The following PARD3 variants were observed in gnomAD, a reference collection of about 807,000 sequenced individuals.
PARD3 encodes partitioning defective 3 homolog.
In PARD3, 75 loss-of-function variants were observed where a neutral mutation model predicts 155.4. That is an observed-to-expected ratio of 0.48 (90% CI 0.40 to 0.58). PARD3 has a LOEUF of 0.58. PARD3 is among the 20% of genes least tolerant of loss of function. PARD3 has a pLI of 0.00. For missense variants in PARD3, 1,642 were observed against 1,721.7 expected, an observed-to-expected ratio of 0.95 and a Z score of 0.82; for synonymous variants, 576 against 610.5, an observed-to-expected ratio of 0.94 and a Z score of 0.83.
intron 20 of PARD3, among the ~76,000 whole-genome samples, chr10:34,289,816 T>G (rs1564552136): frequency 6.6e-6 from 1 of 152,154 alleles, no homozygotes; most frequent in Non-Finnish European, 1.5e-5. Flanking sequence ...GCGTTACAAA[T>G]GAGATCACTG....
chr10:34,456,199 A>G (rs1333623209), intron 4 of PARD3, among the ~76,000 whole-genome samples: 1 of 152,242 alleles, frequency 6.6e-6, no homozygotes, highest in Non-Finnish European at 1.5e-5. Context: ...CTGCAACCAG[A>G]AACACTGGTC....
intron 5 of PARD3, among the ~76,000 whole-genome samples, chr10:34,431,771 C>A (rs1290366761): frequency 1.6e-4 from 14 of 85,906 alleles, no homozygotes; most frequent in Non-Finnish European, 3.4e-4. Context: ...AAAAAAATGC[C>A]GGGTATGGTG....
intron 2 of PARD3, among the ~76,000 whole-genome samples, chr10:34,573,956 TTATA>T (rs1350553368): frequency 6.6e-6 from 1 of 152,218 alleles, no homozygotes; most frequent in Non-Finnish European, 1.5e-5. Context: ...GCTTGAGCAT[TTATA>T]TATTGGATTG....
chr10:34,808,123 A>C (rs1843629967), intron 1 of PARD3, among the ~76,000 whole-genome samples: 1 of 152,154 alleles, frequency 6.6e-6, no homozygotes, highest in Admixed American at 6.5e-5. Context: ...AGATCAGCCT[A>C]GCCAACATGG....
At chr10:34,114,132 G>A (rs1269061102) in intron 24 of PARD3, among the ~76,000 whole-genome samples, 1 of 151,952 alleles carries the variant, frequency 6.6e-6, no homozygotes, top group African/African-American at 2.4e-5. Context: ...TGTGGTGGTG[G>A]GTGCCTGTAG....
chr10:34,599,344 C>T (rs1269914458), intron 2 of PARD3, among the ~76,000 whole-genome samples: 1 of 152,114 alleles, frequency 6.6e-6, no homozygotes, highest in African/African-American at 2.4e-5. Context: ...CTCTCTCCAC[C>T]GTCCAAAATG....
intron 2 of PARD3, among the ~76,000 whole-genome samples, chr10:34,650,072 A>G (rs771272641): frequency 2.6e-5 from 4 of 152,208 alleles, no homozygotes; most frequent in Non-Finnish European, 4.4e-5. Context: ...AACCTCCTGA[A>G]GGCCCTGCCT....
intron 2 of PARD3, among the ~76,000 whole-genome samples, chr10:34,584,821 C>T (rs528588253): frequency 7.2e-5 from 11 of 152,236 alleles, no homozygotes; most frequent in African/African-American, 2.2e-4. Flanking sequence ...GATATGTTTT[C>T]GTTACATGGA....
chr10:34,237,824 A>G (rs1457239825), intron 22 of PARD3, among the ~76,000 whole-genome samples: 3 of 152,196 alleles, frequency 2.0e-5, no homozygotes, highest in Admixed American at 6.5e-5. Context: ...ATTTGGATGC[A>G]GTATTTTATA....
chr10:34,311,273 A>AT (rs978065231), intron 20 of PARD3, among the ~76,000 whole-genome samples: 5 of 151,716 alleles, frequency 3.3e-5, no homozygotes, highest in African/African-American at 7.3e-5. Context: ...TTTTTTATTT[A>AT]TTTTTTTTAA....
intron 2 of PARD3, among the ~76,000 whole-genome samples, chr10:34,568,218 C>CAT (rs1205915180): frequency 7.2e-5 from 11 of 152,266 alleles, no homozygotes; most frequent in African/African-American, 2.4e-4. Flanking sequence ...TATCACTGAC[C>CAT]ATAAAGGTAA....
chr10:34,665,241 G>A (rs570845428), intron 2 of PARD3, among the ~76,000 whole-genome samples: 19 of 152,214 alleles, frequency 1.2e-4, no homozygotes, highest in African/African-American at 3.1e-4. Flanking sequence ...AAGGCTGGGC[G>A]CACCTCATGC....
At chr10:34,113,172 T>G (rs914334463) in intron 24 of PARD3, among the ~76,000 whole-genome samples, 2 of 152,178 alleles carry the variant, frequency 1.3e-5, no homozygotes, top group Non-Finnish European at 2.9e-5. Context: ...AGAAATAGGC[T>G]GCAGACATTT....
At chr10:34,504,470 C>T (rs927995700) in intron 3 of PARD3, among the ~76,000 whole-genome samples, 1 of 149,620 alleles carries the variant, frequency 6.7e-6, no homozygotes, top group Non-Finnish European at 1.5e-5. Context: ...GATATGTAGG[C>T]AATAAATTGA....
At chr10:34,329,451 G>C (rs1048277851) in intron 19 of PARD3, among the ~76,000 whole-genome samples, 5 of 152,122 alleles carry the variant, frequency 3.3e-5, no homozygotes, top group Non-Finnish European at 7.4e-5. Context: ...ATATTGATTA[G>C]GATGGCAAGG....
intron 1 of PARD3, among the ~76,000 whole-genome samples, chr10:34,699,741 G>A (rs760813824): frequency 6.6e-6 from 1 of 152,116 alleles, no homozygotes; most frequent in Non-Finnish European, 1.5e-5. Context: ...AAGGCATAGT[G>A]ACCCACACCT....
chr10:34,781,998 G>A (rs1313848111), intron 1 of PARD3, among the ~76,000 whole-genome samples: 1 of 152,168 alleles, frequency 6.6e-6, no homozygotes, highest in Admixed American at 6.5e-5. Context: ...CCTAAATCTG[G>A]CACCTACTGA....
intron 8 of PARD3, among the ~76,000 whole-genome samples, chr10:34,383,277 C>T (rs72788255): frequency 6.6e-6 from 1 of 151,984 alleles, no homozygotes; most frequent in Non-Finnish European, 1.5e-5. Context: ...TTGTCTAATA[C>T]AACTTGTAGA....
intron 2 of PARD3, among the ~76,000 whole-genome samples, chr10:34,564,955 T>C (rs1365685310): frequency 6.6e-6 from 1 of 152,118 alleles, no homozygotes; most frequent in Non-Finnish European, 1.5e-5. Context: ...TAGAGATGGG[T>C]AAACTGAGGC....
Sources: gnomAD v4.1 joint callset for allele counts (sites outside exome capture counted in the v4.1 genomes callset) on GRCh38, gnomAD v4.1.1 for gene constraint, MANE v1.5 for transcripts, NCBI Gene and HGNC (gene_info 2026-07-23, HGNC 2026-07-21) for gene names.